KLHL1: variants seen among roughly 807,000 people sequenced by gnomAD.
KLHL1 encodes kelch like family member 1, also known as kelch-like protein 1.
Under a neutral mutation model 77.7 loss-of-function variants are expected in KLHL1, and 47 were observed. That is an observed-to-expected ratio of 0.60 (90% CI 0.48 to 0.77). KLHL1 has a LOEUF of 0.77. Ranked by LOEUF, KLHL1 falls within the 30% of genes least tolerant of loss-of-function variation. The pLI is 0.00. For synonymous variants in KLHL1, 360 were observed against 325.2 expected, an observed-to-expected ratio of 1.11 and a Z score of -1.15; for missense variants, 925 against 910.8, an observed-to-expected ratio of 1.02 and a Z score of -0.20.
chr13:69,789,079 A>G (rs1375352429), intron 7 of KLHL1, among the ~76,000 whole-genome samples: 2 of 151,846 alleles, frequency 1.3e-5, no homozygotes, highest in Admixed American at 1.3e-4. Flanking sequence ...ATTTACCTAC[A>G]TATCCATCTG....
At chr13:69,915,272 C>A (rs940982233) in intron 4 of KLHL1, among the ~76,000 whole-genome samples, 9 of 152,234 alleles carry the variant, frequency 5.9e-5, no homozygotes, top group Admixed American at 3.9e-4. Context: ...CAAAAAAGAG[C>A]CTGCATTGCC....
chr13:70,010,066 T>C (rs74791248), intron 1 of KLHL1, among the ~76,000 whole-genome samples: 14,129 of 151,560 alleles, frequency 0.093, 714 homozygotes, highest in Non-Finnish European at 0.11. Flanking sequence ...TTCTTGGTAG[T>C]TTCAAAACAA....
At chr13:69,861,965 C>CAAAAT (rs58892254) in intron 5 of KLHL1, among the ~76,000 whole-genome samples, 13,608 of 123,182 alleles carry the variant, frequency 0.11, 877 homozygotes, top group East Asian at 0.13. Flanking sequence ...AACTCCGTCT[C>CAAAAT]AAAATAAAAT....
chr13:70,041,288 C>A (rs1457520737), intron 1 of KLHL1, among the ~76,000 whole-genome samples: 2 of 152,106 alleles, frequency 1.3e-5, no homozygotes, highest in Admixed American at 1.3e-4. Context: ...TCCTGATTAT[C>A]AGTATAATGA....
At chr13:69,907,226 G>A (rs2026392) in intron 4 of KLHL1, among the ~76,000 whole-genome samples, 85,207 of 151,726 alleles carry the variant, frequency 0.56, 24,000 homozygotes, top group South Asian at 0.66. Context: ...ACCTTTAGGC[G>A]TATTAAATAA....
At chr13:70,067,634 G>GACAACAACAACAACA (rs3072584) in intron 1 of KLHL1, among the ~76,000 whole-genome samples, 13 of 151,044 alleles carry the variant, frequency 8.6e-5, no homozygotes, top group African/African-American at 3.2e-4. Flanking sequence ...GACATATTTT[G>GACAACAACAACAACA]ACAACAACAA....
At chr13:69,980,520 C>T (rs938223802) in intron 1 of KLHL1, among the ~76,000 whole-genome samples, 3 of 152,114 alleles carry the variant, frequency 2.0e-5, no homozygotes, top group Admixed American at 2.0e-4. Context: ...TTCTGCAATA[C>T]GTCACACCAC....
intron 4 of KLHL1, among the ~76,000 whole-genome samples, chr13:69,925,855 TGA>T (rs1352218641): frequency 6.6e-6 from 1 of 152,222 alleles, no homozygotes; most frequent in African/African-American, 2.4e-5. Flanking sequence ...GTATACTGTG[TGA>T]GTTATGGTTT....
intron 1 of KLHL1, among the ~76,000 whole-genome samples, chr13:69,978,779 G>A (rs1884622425): frequency 6.6e-6 from 1 of 152,144 alleles, no homozygotes; most frequent in Non-Finnish European, 1.5e-5. Flanking sequence ...GAGCCACTGT[G>A]CCTGGCCTGG....
chr13:69,937,206 C>A (rs1339897785), intron 4 of KLHL1, among the ~76,000 whole-genome samples: 1 of 152,130 alleles, frequency 6.6e-6, no homozygotes, highest in Non-Finnish European at 1.5e-5. Context: ...TTCTGCCCAT[C>A]TTTACCCAAA....
chr13:69,949,697 C>T (rs891255570), intron 3 of KLHL1, among the ~76,000 whole-genome samples: 2 of 151,724 alleles, frequency 1.3e-5, no homozygotes, highest in Admixed American at 6.6e-5. Flanking sequence ...TTTGTCTATT[C>T]TCCATCATTT....
chr13:69,783,247 G>A (rs1193081330), intron 7 of KLHL1, among the ~76,000 whole-genome samples: 6 of 152,114 alleles, frequency 3.9e-5, no homozygotes, highest in Non-Finnish European at 7.3e-5. Context: ...AGAAAACCTG[G>A]AAACTCTAAA....
At chr13:69,900,980 T>C (rs1182621575) in intron 4 of KLHL1, among the ~76,000 whole-genome samples, 5 of 152,234 alleles carry the variant, frequency 3.3e-5, no homozygotes, top group Admixed American at 3.3e-4. Context: ...TCCATTAGCT[T>C]TGTCTTTGGT....
chr13:70,081,204 T>G (rs1226382334), intron 1 of KLHL1, among the ~76,000 whole-genome samples: 2 of 152,184 alleles, frequency 1.3e-5, no homozygotes. Flanking sequence ...CTGCTTCAAC[T>G]CTAGGTAACT....
intron 1 of KLHL1, among the ~76,000 whole-genome samples, chr13:70,051,293 T>C (rs1236996822): frequency 1.3e-5 from 2 of 152,008 alleles, no homozygotes; most frequent in Non-Finnish European, 2.9e-5. Flanking sequence ...GACCATTTGA[T>C]CACAATTCTT....
Position 69,707,616 on chromosome 13 carries a change from C to A in KLHL1, c.2187+9G>T. The A allele has an allele frequency of 6.2e-7, 1 of 1,606,848 alleles. No homozygotes were observed. Among genetic ancestry groups the A allele is most frequent in the East Asian group, 2.2e-5 (1 of 44,754 alleles). ...TCCTTGAAGTGAATTATGCTGATGA[C>A]AATCTTACCTGTGTCCACTCATTAG... On this transcript the variant is annotated intron_variant, in intron 10 of 10. Transcript: ENST00000377844.
At chr13:69,858,821 A>G (rs1229718729) in intron 5 of KLHL1, among the ~76,000 whole-genome samples, 1 of 152,102 alleles carries the variant, frequency 6.6e-6, no homozygotes, top group Non-Finnish European at 1.5e-5. Context: ...AGCATGGAAA[A>G]GAGTAAGGCT....
At chr13:70,021,609 G>A (rs552613838) in intron 1 of KLHL1, among the ~76,000 whole-genome samples, 167 of 152,084 alleles carry the variant, frequency 1.1e-3, no homozygotes, top group Non-Finnish European at 1.8e-3. Context: ...AAGTAGCTGT[G>A]CTATTTTGTA....
At chr13:69,843,461 G>A (rs1051666550) in intron 5 of KLHL1, among the ~76,000 whole-genome samples, 1 of 151,542 alleles carries the variant, frequency 6.6e-6, no homozygotes, top group African/African-American at 2.4e-5. Context: ...ATATTAAAAC[G>A]AGTTTCTATG....
Sources: allele counts gnomAD v4.1 joint callset (sites outside exome capture counted in the v4.1 genomes callset), GRCh38; gene constraint gnomAD v4.1.1; transcripts MANE v1.5; gene names NCBI Gene and HGNC (gene_info 2026-07-23, HGNC 2026-07-21).